TSBP1: variants seen among roughly 807,000 people sequenced by gnomAD.
TSBP1 encodes testis-expressed basic protein 1.
TSBP1 carries 56 observed loss-of-function variants against 68.8 expected under a neutral mutation model. That is an observed-to-expected ratio of 0.81 (90% CI 0.66 to 1.02). TSBP1 has a LOEUF of 1.02. Ranked by LOEUF, TSBP1 falls within the 50% of genes least tolerant of loss-of-function variation. TSBP1 has a pLI of 0.00. For synonymous variants in TSBP1, 171 were observed against 208.7 expected (o/e 0.82, Z 1.56); for missense variants, 502 against 641.2 (o/e 0.78, Z 2.34).
chr6:32,369,197 C>T (rs1341447656), intron 2 of TSBP1, among the ~76,000 whole-genome samples: 1 of 151,888 alleles, frequency 6.6e-6, no homozygotes, highest in African/African-American at 2.4e-5. Context: ...TTCTTATCAT[C>T]TCCCCAAATT....
intron 8 of TSBP1, among the ~76,000 whole-genome samples, chr6:32,353,966 C>A (rs1310126020): frequency 6.6e-6 from 1 of 151,816 alleles, no homozygotes; most frequent in Non-Finnish European, 1.5e-5. Flanking sequence ...AGGGAAATTT[C>A]AAAACTATTA....
In TSBP1 at chr6:32,302,966, T is replaced by G. The variant is rs1038045345; in HGVS notation, c.581-337A>C. Reference sequence around the variant, plus strand: ...AAGAGCCACCAATGGTTCCCCATCTTGGTTTAACAAAAGTCAAAATCACAA... The same window carrying G: ...AAGAGCCACCAATGGTTCCCCATCTGGGTTTAACAAAAGTCAAAATCACAA... On this transcript the variant is annotated intron_variant, in intron 19 of 22. Transcript: ENST00000612031. This position sits in a 1 kb window ranked among gnomAD's most constrained non-coding sequence, Gnocchi z 5.1. Among the ~76,000 whole-genome samples, 3 of 152,212 alleles carry G rather than the reference T, an allele frequency of 2.0e-5. No individual in the cohort carries two copies. The highest frequency in any genetic ancestry group is 4.4e-5 in the Non-Finnish European group (3 of 68,034).
chr6:32,301,380 T>C (rs1321066727), intron 20 of TSBP1, among the ~76,000 whole-genome samples: 1 of 152,086 alleles, frequency 6.6e-6, no homozygotes, highest in Non-Finnish European at 1.5e-5. Context: ...AATATAGGTA[T>C]ATCTCTTGTG....
At chr6:32,358,952 TACATGTGC>T (rs1291008987) in intron 6 of TSBP1, among the ~76,000 whole-genome samples, 1 of 139,914 alleles carries the variant, frequency 7.1e-6, no homozygotes, top group Non-Finnish European at 1.5e-5. Context: ...AGTTTTAGGG[TACATGTGC>T]ACAATGTGCA....
At position 32,343,823 on chromosome 6, in the gene TSBP1, C is replaced by A. The variant is rs1472421363; in HGVS notation, c.350-4185G>T. Among the ~76,000 whole-genome samples the A allele has an allele frequency of 6.6e-6, 1 of 152,108 alleles. No individual in the cohort carries two copies. Among genetic ancestry groups the A allele is most frequent in the African/African-American group, 2.4e-5 (1 of 41,424 alleles). On this transcript the variant is annotated intron_variant, in intron 9 of 22. Coordinates refer to ENST00000612031, the Ensembl canonical transcript of TSBP1. The surrounding 1 kb of genome is among the most constrained non-coding windows in gnomAD (Gnocchi z 4.3). The stretch of plus-strand genomic sequence containing the variant: ...TTTTCTTTAACGTACTGACCATCTT[C>A]CCTCTCCAACATTTTGTTTCTGTTC...
At chr6:32,366,362 T>C in intron 4 of TSBP1, 60 bp from the exon 5 acceptor site, 1 of 1,451,102 alleles carries the variant, frequency 6.9e-7, no homozygotes, top group Non-Finnish European at 9.6e-7. Flanking sequence ...CTATATTATT[T>C]TTTGTTAGAT....
At chr6:32,331,280 A>G (rs1030584450) in intron 15 of TSBP1, among the ~76,000 whole-genome samples, 4 of 152,088 alleles carry the variant, frequency 2.6e-5, no homozygotes, top group Non-Finnish European at 5.9e-5. Context: ...CATTTCTTAT[A>G]TTCTTTTCCA....
exon 1 of TSBP1, chr6:32,371,695 C>T (rs1333077179): frequency 6.2e-7 from 1 of 1,612,046 alleles, no homozygotes; most frequent in Non-Finnish European, 8.5e-7. Context: ...AGTCCATACC[C>T]AAGACTGTCA....
chr6:32,326,908 G>A (rs1428392072), intron 16 of TSBP1, among the ~76,000 whole-genome samples: 2 of 152,156 alleles, frequency 1.3e-5, no homozygotes, highest in African/African-American at 4.8e-5. Context: ...CCTTTTTGCA[G>A]TGAGTGGTTA....
intron 6 of TSBP1, chr6:32,356,861 G>A (rs1772406134): frequency 6.5e-6 from 1 of 154,312 alleles, no homozygotes; most frequent in Non-Finnish European, 1.5e-5. Flanking sequence ...CTTAACATTT[G>A]CTAGAAAAAT....
chr6:32,327,964 ATTTT>A (rs771332320), intron 16 of TSBP1, among the ~76,000 whole-genome samples: 1 of 136,110 alleles, frequency 7.3e-6, no homozygotes. Flanking sequence ...ACTTATTATT[ATTTT>A]TTTTTTTTTG....
At chr6:32,352,856 T>C (rs1020374545) in intron 8 of TSBP1, 1 of 151,924 alleles carries the variant, frequency 6.6e-6, no homozygotes, top group African/African-American at 2.4e-5. Flanking sequence ...GTTACTTAGA[T>C]ACTTATATTA....
chr6:32,344,384 CT>C (rs1770734580), intron 9 of TSBP1, among the ~76,000 whole-genome samples: 1 of 151,202 alleles, frequency 6.6e-6, no homozygotes, highest in Admixed American at 6.6e-5. Flanking sequence ...GTTCTTGGGC[CT>C]TTTAGCCTTA....
At chr6:32,313,374 C>G (rs1766611280) in intron 19 of TSBP1, among the ~76,000 whole-genome samples, 1 of 152,252 alleles carries the variant, frequency 6.6e-6, no homozygotes, top group Non-Finnish European at 1.5e-5. Flanking sequence ...AGGATAATGC[C>G]TGGCCTACAA....
intron 3 of TSBP1, among the ~76,000 whole-genome samples, chr6:32,368,374 G>A (rs1774003713): frequency 6.6e-6 from 1 of 152,114 alleles, no homozygotes; most frequent in East Asian, 1.9e-4. Context: ...CCCTAACTGT[G>A]TTCACTCTCG....
At chr6:32,344,194 G>A (rs1031396176) in intron 9 of TSBP1, among the ~76,000 whole-genome samples, 9 of 150,960 alleles carry the variant, frequency 6.0e-5, no homozygotes, top group African/African-American at 2.2e-4. Flanking sequence ...CCATGCTGGT[G>A]TGCTGCATCC....
intron 9 of TSBP1, among the ~76,000 whole-genome samples, chr6:32,346,952 T>C (rs541497453): frequency 1.3e-5 from 2 of 152,204 alleles, no homozygotes; most frequent in Non-Finnish European, 2.9e-5. Flanking sequence ...TAGTTAATAA[T>C]GTGTTATATT....
Position 32,343,388 on chromosome 6 carries a change from T to TA in TSBP1, c.350-3751dup. The TA allele has an allele frequency of 2.2e-6, 1 of 460,324 alleles. No homozygotes were observed. Among genetic ancestry groups the TA allele is most frequent in the Non-Finnish European group, 3.8e-6 (1 of 264,328 alleles). 28.5% of individuals were successfully genotyped at this position (460,324 alleles called of 1,614,324 possible). A position where few individuals can be genotyped will look rare whatever the true frequency, so the allele number is the denominator to read the frequency against. ...TTCCATTCCCCTGTAGGTAGGCTCA[T>TA]AAAGTGGCCACACTTGCAAGTGATC... is the stretch of plus-strand genomic sequence containing the variant. On this transcript the variant is annotated intron_variant, in intron 9 of 22. Transcript: ENST00000612031. This position sits in a 1 kb window ranked among gnomAD's most constrained non-coding sequence, Gnocchi z 4.3.
chr6:32,371,624 C>G, intron 1 of TSBP1, 70 bp downstream of exon 1: 1 of 1,102,340 alleles, frequency 9.1e-7, no homozygotes, highest in Non-Finnish European at 1.4e-6. Flanking sequence ...GTTAAAGTCC[C>G]TAAGTCCCTA....
Sources: gnomAD v4.1 joint callset for allele counts (sites outside exome capture counted in the v4.1 genomes callset) on GRCh38, gnomAD v4.1.1 for gene constraint, Gnocchi (gnomAD v3.1) non-coding constraint, MANE v1.5 for transcripts, NCBI Gene and HGNC (gene_info 2026-07-23, HGNC 2026-07-21) for gene names.